AGBL1: variants seen among roughly 807,000 people sequenced by gnomAD.
AGBL1 encodes the protein AGBL carboxypeptidase 1.
In AGBL1, 130 loss-of-function variants were observed where a neutral mutation model predicts 118.9. The ratio of observed to expected loss-of-function variants is 1.09; its 90% CI spans 0.95 to 1.26. The LOEUF (loss-of-function observed/expected upper bound fraction) is 1.26, where lower values mean the gene tolerates loss of function less well. Ranked by LOEUF, AGBL1 falls within the 50% of genes most tolerant of loss-of-function variation. The probability of loss-of-function intolerance (pLI) is 0.00; values close to 1 mark genes in which losing one functional copy is unlikely to be tolerated. For missense variants in AGBL1, 1,584 were observed against 1,298.1 expected (o/e 1.22, Z -3.38); for synonymous variants, 555 against 478.9 (o/e 1.16, Z -2.08).
intron 3 of AGBL1, among the ~76,000 whole-genome samples, chr15:86,150,135 G>A (rs987423247): frequency 6.6e-6 from 1 of 152,218 alleles, no homozygotes; most frequent in African/African-American, 2.4e-5. Flanking sequence ...GCAGTCTGTA[G>A]AGGGAAATTT....
chr15:86,977,944 G>A (rs1187729818), intron 23 of AGBL1, among the ~76,000 whole-genome samples: 1 of 151,944 alleles, frequency 6.6e-6, no homozygotes, highest in Admixed American at 6.6e-5. Flanking sequence ...AATTACTAAG[G>A]ATATTTAAAA....
At chr15:86,184,570 A>G (rs949314001) in intron 5 of AGBL1, among the ~76,000 whole-genome samples, 1 of 151,978 alleles carries the variant, frequency 6.6e-6, no homozygotes, top group African/African-American at 2.4e-5. Context: ...GTGTTTTCCA[A>G]CTTGGTTCCA....
At chr15:86,243,325 C>T (rs1431663016) in intron 6 of AGBL1, among the ~76,000 whole-genome samples, 2 of 152,114 alleles carry the variant, frequency 1.3e-5, no homozygotes, top group African/African-American at 4.8e-5. Context: ...GGGATCTGCA[C>T]TAAAGAGGCA....
chr15:86,409,939 T>A (rs545007018), intron 18 of AGBL1, among the ~76,000 whole-genome samples: 10 of 152,162 alleles, frequency 6.6e-5, no homozygotes, highest in Admixed American at 3.3e-4. Flanking sequence ...TAGATGAGCA[T>A]CTATTATTTC....
At chr15:86,841,210 A>G (rs888043589) in intron 22 of AGBL1, among the ~76,000 whole-genome samples, 1 of 152,214 alleles carries the variant, frequency 6.6e-6, no homozygotes, top group Non-Finnish European at 1.5e-5. Flanking sequence ...TTGACCAAAC[A>G]GATAAAATAC....
intron 22 of AGBL1, among the ~76,000 whole-genome samples, chr15:86,878,800 G>A (rs1236162437): frequency 6.6e-6 from 1 of 152,236 alleles, no homozygotes; most frequent in Non-Finnish European, 1.5e-5. Flanking sequence ...TTTCCTGAAT[G>A]CCTGGTCTTC....
At chr15:86,350,610 T>C (rs950632030) in intron 17 of AGBL1, among the ~76,000 whole-genome samples, 1 of 152,160 alleles carries the variant, frequency 6.6e-6, no homozygotes, top group African/African-American at 2.4e-5. Flanking sequence ...AATGCATTAA[T>C]AGTGGTATCT....
intron 17 of AGBL1, 73 bp from the exon 18 acceptor site, chr15:86,397,293 G>T: frequency 1.8e-6 from 2 of 1,114,566 alleles, no homozygotes; most frequent in East Asian, 5.8e-5. Flanking sequence ...AAGCAAAAAA[G>T]AAGTTTAGAA....
At chr15:87,028,701 T>G (rs889930397) in intron 24 of AGBL1, 5 of 787,182 alleles carry the variant, frequency 6.4e-6, no homozygotes, top group Non-Finnish European at 1.0e-5. Context: ...TGATTGTTTA[T>G]AATCCATAGA....
intron 17 of AGBL1, among the ~76,000 whole-genome samples, chr15:86,370,646 T>C (rs1466253760): frequency 6.6e-6 from 1 of 152,226 alleles, no homozygotes; most frequent in Admixed American, 6.5e-5. Context: ...AAGCACAGCC[T>C]GTGATATCTA....
chr15:86,197,116 T>G (rs1178639539), intron 5 of AGBL1, among the ~76,000 whole-genome samples: 2 of 152,120 alleles, frequency 1.3e-5, no homozygotes. Flanking sequence ...GATTTTGGTA[T>G]TGAGAAGTGG....
At chr15:86,866,874 C>G (rs2079638774) in intron 22 of AGBL1, among the ~76,000 whole-genome samples, 1 of 152,160 alleles carries the variant, frequency 6.6e-6, no homozygotes. Flanking sequence ...GCCCATCTGA[C>G]AGAGACTGTA....
intron 22 of AGBL1, among the ~76,000 whole-genome samples, chr15:86,819,672 G>C (rs2078912204): frequency 6.6e-6 from 1 of 152,130 alleles, no homozygotes; most frequent in Non-Finnish European, 1.5e-5. Flanking sequence ...AACATTCCAT[G>C]CTCATGGAGA....
intron 21 of AGBL1, among the ~76,000 whole-genome samples, chr15:86,617,129 C>T (rs181091516): frequency 2.6e-5 from 4 of 152,314 alleles, no homozygotes; most frequent in African/African-American, 4.8e-5. Context: ...GGCCTGACTT[C>T]CCCTTTGATC....
intron 5 of AGBL1, among the ~76,000 whole-genome samples, chr15:86,172,700 C>T (rs1167134303): frequency 6.6e-6 from 1 of 152,134 alleles, no homozygotes; most frequent in African/African-American, 2.4e-5. Context: ...TAATGGTGGA[C>T]TAGTATTCCA....
At chr15:86,949,831 C>A (rs1266084167) in intron 23 of AGBL1, among the ~76,000 whole-genome samples, 1 of 152,010 alleles carries the variant, frequency 6.6e-6, no homozygotes, top group African/African-American at 2.4e-5. Context: ...CCTCACTATA[C>A]CCAATGATAG....
At chr15:86,434,162 T>C (rs886497675) in intron 18 of AGBL1, among the ~76,000 whole-genome samples, 1 of 152,224 alleles carries the variant, frequency 6.6e-6, no homozygotes, top group Admixed American at 6.5e-5. Context: ...ATTAACCTTT[T>C]TGATGACTGT....
intron 21 of AGBL1, among the ~76,000 whole-genome samples, chr15:86,665,668 A>T (rs2085631703): frequency 6.6e-6 from 1 of 152,124 alleles, no homozygotes; most frequent in Non-Finnish European, 1.5e-5. Flanking sequence ...TATACATTGA[A>T]AAACCTTCTC....
chr15:86,732,167 G>T (rs1011269412), intron 22 of AGBL1, among the ~76,000 whole-genome samples: 1 of 152,136 alleles, frequency 6.6e-6, no homozygotes, highest in Non-Finnish European at 1.5e-5. Flanking sequence ...AGGCAGTAGG[G>T]CTCTAGAGAC....
Sources: gnomAD v4.1 joint callset for allele counts (sites outside exome capture counted in the v4.1 genomes callset) on GRCh38, gnomAD v4.1.1 for gene constraint, MANE v1.5 for transcripts, NCBI Gene and HGNC (gene_info 2026-07-23, HGNC 2026-07-21) for gene names.